Variants in PPP2R2A observed in about 807,000 individuals in gnomAD.
The protein encoded by PPP2R2A is protein phosphatase 2 regulatory subunit Balpha, also known as serine/threonine-protein phosphatase 2A 55 kDa regulatory subunit B alpha isoform.
A neutral mutation model predicts 53.2 loss-of-function variants in PPP2R2A; 9 were observed. The observed-to-expected ratio is 0.17, with a 90% confidence interval of 0.10 to 0.30. The LOEUF (loss-of-function observed/expected upper bound fraction) is 0.30. Ranked by LOEUF, PPP2R2A falls within the 10% of genes least tolerant of loss-of-function variation. The pLI, the probability that PPP2R2A is intolerant of heterozygous loss-of-function variation, is 1.00. For synonymous variants in PPP2R2A, 169 were observed against 174.2 expected, an observed-to-expected ratio of 0.97 and a Z score of 0.23; for missense variants, 235 against 534.6, an observed-to-expected ratio of 0.44 and a Z score of 5.53.
chr8:26,369,791 A>G (rs1207233180), intron 9 of PPP2R2A, among the ~76,000 whole-genome samples: 1 of 152,196 alleles, frequency 6.6e-6, no homozygotes, highest in East Asian at 1.9e-4. Flanking sequence ...AGTTCCACAG[A>G]TAGTTGCTCC....
In PPP2R2A at chr8:26,370,483, A is replaced by G. The variant is rs1032591036; in HGVS notation, c.*70A>G. ...ATAGTTGAATCTAGCATTCGTTCCT[A>G]TAAAAGAGAGAGGTCCATTGTGGCG... On this transcript the variant is annotated 3_prime_UTR_variant, in exon 10 of 10. Coordinates refer to ENST00000380737, the MANE Select transcript of PPP2R2A (RefSeq NM_002717.4). This position sits in a 1 kb window ranked among gnomAD's most constrained non-coding sequence, Gnocchi z 6.1. 2 of 1,537,150 alleles carry G rather than the reference A, an allele frequency of 1.3e-6. No individual in the cohort carries two copies. Among genetic ancestry groups the G allele is most frequent in the African/African-American group, 1.4e-5 (1 of 72,826 alleles).
Position 26,291,525 on chromosome 8 carries a change from T to G in PPP2R2A, c.-295T>G. ...CACTGGCCAGGCCAGCCGGCGCCATTTTGAAAGTGGAGTCGCCTGCCCCTG... is the reference window on the plus strand; with the variant it reads ...CACTGGCCAGGCCAGCCGGCGCCATGTTGAAAGTGGAGTCGCCTGCCCCTG... On this transcript the variant is annotated 5_prime_UTR_variant, in exon 1 of 10. It adds an upstream start codon to the 5' untranslated region. Transcript: ENST00000380737. The G allele has an allele frequency of 2.6e-6, 1 of 390,372 alleles. No individual in the cohort carries two copies. Among genetic ancestry groups the G allele is most frequent in the Non-Finnish European group, 4.7e-6 (1 of 212,612 alleles). 24.2% of individuals were successfully genotyped at this position (390,372 alleles called of 1,614,324 possible). A position where few individuals can be genotyped will look rare whatever the true frequency, so the allele number is the denominator to read the frequency against.
At chr8:26,328,931 T>TA (rs1803229343) in intron 2 of PPP2R2A, among the ~76,000 whole-genome samples, 1 of 152,216 alleles carries the variant, frequency 6.6e-6, no homozygotes, top group Non-Finnish European at 1.5e-5. Context: ...ACACATCTGA[T>TA]ACATAATTTG....
intron 2 of PPP2R2A, among the ~76,000 whole-genome samples, chr8:26,295,481 A>G (rs1431279533): frequency 6.6e-6 from 1 of 152,172 alleles, no homozygotes; most frequent in African/African-American, 2.4e-5. Context: ...TTTTATCCAT[A>G]CCATAACAAA....
In PPP2R2A at chr8:26,360,957, A is replaced by G. The variant is rs377360911; in HGVS notation, c.460-17A>G. On this transcript the variant is annotated splice_polypyrimidine_tract_variant and intron_variant, in intron 5 of 9. Coordinates refer to ENST00000380737, the MANE Select transcript of PPP2R2A (RefSeq NM_002717.4). The surrounding 1 kb of genome is among the most constrained non-coding windows in gnomAD (Gnocchi z 4.5). ...GAGCCTTTTGTAATTTCTGTTTTTCATGTGTCTTATTGACAGGTGCCAGTC... is the reference window on the plus strand; with the variant it reads ...GAGCCTTTTGTAATTTCTGTTTTTCGTGTGTCTTATTGACAGGTGCCAGTC... 34 of 1,570,404 alleles carry G rather than the reference A, an allele frequency of 2.2e-5. No individual in the cohort carries two copies. In the East Asian group the frequency reaches 5.1e-4, roughly 23 times the overall value.
chr8:26,329,440 C>T (rs1803259860), intron 2 of PPP2R2A, among the ~76,000 whole-genome samples: 1 of 152,110 alleles, frequency 6.6e-6, no homozygotes, highest in East Asian at 1.9e-4. Flanking sequence ...CTGCATTGGG[C>T]ATTGGGCATA....
chr8:26,357,705 C>T, intron 4 of PPP2R2A, among the ~76,000 whole-genome samples: 1 of 151,996 alleles, frequency 6.6e-6, no homozygotes, highest in East Asian at 1.9e-4. Flanking sequence ...GCTGCATTCC[C>T]ACAAAGGAAA....
chr8:26,365,792 C>A (rs1292014960), intron 8 of PPP2R2A: 1 of 152,016 alleles, frequency 6.6e-6, no homozygotes, highest in Non-Finnish European at 1.5e-5. Context: ...AATATATGCC[C>A]AGAATAACCA....
At chr8:26,320,532 T>C (rs951217024) in intron 2 of PPP2R2A, among the ~76,000 whole-genome samples, 5 of 152,326 alleles carry the variant, frequency 3.3e-5, no homozygotes, top group East Asian at 1.9e-4. Flanking sequence ...TTAAGTATTA[T>C]GTATATTCCA....
intron 2 of PPP2R2A, among the ~76,000 whole-genome samples, chr8:26,327,963 T>A (rs1291023208): frequency 6.6e-6 from 1 of 152,188 alleles, no homozygotes; most frequent in African/African-American, 2.4e-5. Context: ...CAGTAGACCT[T>A]TGAATTGAAC....
At chr8:26,333,224 G>A (rs550491672) in intron 2 of PPP2R2A, among the ~76,000 whole-genome samples, 11 of 152,150 alleles carry the variant, frequency 7.2e-5, no homozygotes, top group East Asian at 1.9e-4. Context: ...AGTCTGTGCC[G>A]TCTATTCAAC....
intron 2 of PPP2R2A, 29 bp downstream of exon 2, chr8:26,293,769 A>T (rs774407505): frequency 1.2e-6 from 2 of 1,604,344 alleles, no homozygotes; most frequent in South Asian, 1.1e-5. Flanking sequence ...CAAAATTTGG[A>T]TATATAATTT....
intron 2 of PPP2R2A, among the ~76,000 whole-genome samples, chr8:26,337,254 T>TA (rs905292639): frequency 3.9e-5 from 6 of 151,938 alleles, no homozygotes; most frequent in Non-Finnish European, 7.4e-5. Flanking sequence ...ATGGTTAGGC[T>TA]AAAAAAAACC....
chr8:26,362,757 C>T lies in PPP2R2A; in HGVS notation c.711C>T (p.Asn237=), dbSNP rs1446610539. The change falls in exon 7 of 10, where the codon AAC becomes AAT. Residue 237 remains asparagine (N), a synonymous_variant. Coordinates refer to ENST00000380737, the MANE Select transcript of PPP2R2A (RefSeq NM_002717.4). This position sits in a 1 kb window ranked among gnomAD's most constrained non-coding sequence, Gnocchi z 4.4. ...TTACAGCAGCAGAATTTCATCCAAA[C>T]AGCTGTAACACATTTGTATACAGCA... The part of the protein sequence containing the change: ...EVITAAEFHP[N]SCNTFVYSSS... 7.4e-6 allele frequency: 12 copies of T among 1,613,926 alleles called. No homozygotes were observed. Among genetic ancestry groups the T allele is most frequent in the Non-Finnish European group, 1.0e-5 (12 of 1,179,906 alleles).
At position 26,362,600 on chromosome 8, in the gene PPP2R2A, A is replaced by C. The variant is rs542931298; in HGVS notation, c.638-84A>C. On this transcript the variant is annotated intron_variant, in intron 6 of 9. Coordinates refer to ENST00000380737, the MANE Select transcript of PPP2R2A (RefSeq NM_002717.4). The surrounding 1 kb of genome is among the most constrained non-coding windows in gnomAD (Gnocchi z 4.4). ...AGAATTAATATTTTTGCTTAGGTCCATGAATGGGTTTTAGGTTTGAGAAAT... is the reference window on the plus strand; with the variant it reads ...AGAATTAATATTTTTGCTTAGGTCCCTGAATGGGTTTTAGGTTTGAGAAAT... 1 of 1,324,510 alleles carries C rather than the reference A, an allele frequency of 7.5e-7. No individual in the cohort carries two copies. 82.0% of individuals were successfully genotyped at this position (1,324,510 alleles called of 1,614,324 possible). A position where few individuals can be genotyped will look rare whatever the true frequency, so the allele number is the denominator to read the frequency against.
intron 3 of PPP2R2A, among the ~76,000 whole-genome samples, chr8:26,346,033 G>T (rs1167222244): frequency 6.6e-6 from 1 of 151,612 alleles, no homozygotes; most frequent in Non-Finnish European, 1.5e-5. Context: ...TTATTATTTA[G>T]TTAGACTTTA....
At chr8:26,314,116 T>C (rs1474139557) in intron 2 of PPP2R2A, among the ~76,000 whole-genome samples, 1 of 152,234 alleles carries the variant, frequency 6.6e-6, no homozygotes, top group East Asian at 1.9e-4. Flanking sequence ...ATTTTCCACA[T>C]GATCAAGAAG....
At chr8:26,363,524 A>T in intron 7 of PPP2R2A, 197 bp from the exon 8 acceptor site, 1 of 486,548 alleles carries the variant, frequency 2.1e-6, no homozygotes, top group Non-Finnish European at 3.6e-6. Flanking sequence ...ATACTTATGC[A>T]TCTTCAACTT....
intron 2 of PPP2R2A, among the ~76,000 whole-genome samples, chr8:26,307,600 A>G (rs1394339018): frequency 1.3e-5 from 2 of 152,364 alleles, no homozygotes; most frequent in East Asian, 3.9e-4. Context: ...GTTGATTGGA[A>G]TAAAGCTTTG....
Sources: allele counts gnomAD v4.1 joint callset (sites outside exome capture counted in the v4.1 genomes callset), GRCh38; gene constraint gnomAD v4.1.1; non-coding constraint Gnocchi (gnomAD v3.1); transcripts MANE v1.5; gene names NCBI Gene and HGNC (gene_info 2026-07-23, HGNC 2026-07-21).